The following NLGN4X variants were observed in gnomAD, a reference collection of about 807,000 sequenced individuals.
NLGN4X encodes the protein neuroligin-4, X-linked.
Under a neutral mutation model 40.3 loss-of-function variants are expected in NLGN4X, and 3 were observed. The observed-to-expected ratio is 0.07, with a 90% CI of 0.03 to 0.19. The LOEUF (loss-of-function observed/expected upper bound fraction) is 0.19. NLGN4X is among the 10% of genes least tolerant of loss of function. NLGN4X has a pLI of 1.00. For missense variants in NLGN4X, 382 were observed against 708.3 expected, an observed-to-expected ratio of 0.54 and a Z score of 5.23; for synonymous variants, 270 against 306.8, an observed-to-expected ratio of 0.88 and a Z score of 1.25.
chrX:6,203,264 G>T (rs1378144458), intron 1 of NLGN4X, among the ~76,000 whole-genome samples: 1 of 111,970 alleles, frequency 8.9e-6, no homozygotes, highest in Non-Finnish European at 1.9e-5. Context: ...CTCAACACTT[G>T]CTGTACCTAT....
intron 3 of NLGN4X, among the ~76,000 whole-genome samples, chrX:5,934,227 T>G (rs1266498749): frequency 2.7e-5 from 3 of 111,955 alleles, no homozygotes; most frequent in Non-Finnish European, 1.9e-5. Flanking sequence ...TTACATGAAT[T>G]CCTTCTTATT....
chrX:5,897,788 G>A (rs12837799), intron 5 of NLGN4X, among the ~76,000 whole-genome samples: 13,364 of 111,476 alleles, frequency 0.12, 647 homozygotes, highest in Middle Eastern at 0.14. Context: ...CGCTGACTCC[G>A]CCTTTCTAAG....
At chrX:6,140,306 G>C (rs1476046867) in intron 2 of NLGN4X, among the ~76,000 whole-genome samples, 1 of 111,379 alleles carries the variant, frequency 9.0e-6, no homozygotes, top group Non-Finnish European at 1.9e-5. Context: ...GCTTGAAGGA[G>C]ACTTTGGGAT....
At chrX:6,039,818 T>C (rs913971583) in intron 2 of NLGN4X, among the ~76,000 whole-genome samples, 10 of 112,746 alleles carry the variant, frequency 8.9e-5, no homozygotes, top group African/African-American at 1.3e-4. Context: ...TATTGATTTG[T>C]AGGAAATCTT....
chrX:5,899,293 T>C (rs1177495301), intron 5 of NLGN4X, among the ~76,000 whole-genome samples: 2 of 111,979 alleles, frequency 1.8e-5, no homozygotes, highest in African/African-American at 6.5e-5. Context: ...ATTCGAGCTC[T>C]GGGTACCTCA....
At chrX:6,064,087 G>A (rs749572954) in intron 2 of NLGN4X, among the ~76,000 whole-genome samples, 5 of 111,247 alleles carry the variant, frequency 4.5e-5, no homozygotes, top group East Asian at 5.7e-4. Flanking sequence ...TTTGATAAAC[G>A]GCATGTATTC....
intron 3 of NLGN4X, among the ~76,000 whole-genome samples, chrX:5,965,315 C>T (rs895770356): frequency 8.9e-6 from 1 of 111,812 alleles, no homozygotes; most frequent in Non-Finnish European, 1.9e-5. Flanking sequence ...GACAAGAAGT[C>T]GGGTGCAGGT....
At chrX:6,139,574 C>T (rs369140387) in intron 2 of NLGN4X, among the ~76,000 whole-genome samples, 3 of 111,749 alleles carry the variant, frequency 2.7e-5, no homozygotes, top group Admixed American at 1.9e-4. Flanking sequence ...CATGTGTTTA[C>T]GCTCTGCATA....
chrX:6,114,065 C>A (rs2039215035), intron 2 of NLGN4X, among the ~76,000 whole-genome samples: 1 of 111,590 alleles, frequency 9.0e-6, no homozygotes, highest in African/African-American at 3.3e-5. Flanking sequence ...AGTGATCCAC[C>A]CAGCTCAGCA....
intron 5 of NLGN4X, among the ~76,000 whole-genome samples, chrX:5,896,655 C>G (rs1334400297): frequency 1.8e-5 from 2 of 112,034 alleles, no homozygotes; most frequent in African/African-American, 6.5e-5. Context: ...TTTCTAAGGT[C>G]TAGTTCATTT....
chrX:6,123,835 CA>C (rs59494482), intron 2 of NLGN4X, among the ~76,000 whole-genome samples: 12,552 of 59,018 alleles, frequency 0.21, 954 homozygotes, highest in African/African-American at 0.35. Context: ...TCAGGTAAAG[CA>C]AAAAAAAAAA....
intron 3 of NLGN4X, among the ~76,000 whole-genome samples, chrX:5,942,410 G>A (rs947340177): frequency 6.3e-5 from 7 of 111,883 alleles, no homozygotes; most frequent in South Asian, 7.5e-4. Flanking sequence ...GGCATGACAT[G>A]CTGGGCATGG....
intron 2 of NLGN4X, among the ~76,000 whole-genome samples, chrX:6,088,154 C>T (rs1234545148): frequency 8.9e-6 from 1 of 112,490 alleles, no homozygotes; most frequent in African/African-American, 3.2e-5. Flanking sequence ...AAAATGTCAA[C>T]GAAAGCAGTT....
chrX:5,923,910 A>T (rs754407822), intron 3 of NLGN4X, among the ~76,000 whole-genome samples: 2 of 111,875 alleles, frequency 1.8e-5, no homozygotes, highest in South Asian at 7.5e-4. Flanking sequence ...CCTACAATTG[A>T]TCTTGTTGAC....
chrX:6,059,011 G>C (rs137896020), intron 2 of NLGN4X, among the ~76,000 whole-genome samples: 262 of 111,661 alleles, frequency 2.3e-3, no homozygotes, highest in African/African-American at 8.1e-3. Flanking sequence ...GGAATTCATA[G>C]GAGATGACTA....
intron 3 of NLGN4X, among the ~76,000 whole-genome samples, chrX:5,978,317 T>C (rs61112272): frequency 9.0e-5 from 7 of 77,996 alleles, no homozygotes; most frequent in African/African-American, 5.0e-4. Context: ...TCTTTCTTTC[T>C]TTCTTTCTTT....
chrX:6,010,295 G>A (rs1473725450), intron 3 of NLGN4X, among the ~76,000 whole-genome samples: 1 of 108,712 alleles, frequency 9.2e-6, no homozygotes, highest in African/African-American at 3.4e-5. Flanking sequence ...GGGAGTGGGG[G>A]TGCTTCCTGC....
At chrX:6,041,620 C>T (rs1039456518) in intron 2 of NLGN4X, among the ~76,000 whole-genome samples, 1 of 112,301 alleles carries the variant, frequency 8.9e-6, no homozygotes, top group African/African-American at 3.2e-5. Context: ...TTTTTCTTCA[C>T]AAGATGAATT....
chrX:5,933,299 G>A (rs1427733948), intron 3 of NLGN4X, among the ~76,000 whole-genome samples: 2 of 111,247 alleles, frequency 1.8e-5, no homozygotes, highest in Admixed American at 1.9e-4. Flanking sequence ...GCTAAAATGG[G>A]TAGAAAAAGG....
Sources: gnomAD v4.1 joint callset for allele counts (sites outside exome capture counted in the v4.1 genomes callset) on GRCh38, gnomAD v4.1.1 for gene constraint, MANE v1.5 for transcripts, NCBI Gene and HGNC (gene_info 2026-07-23, HGNC 2026-07-21) for gene names.